Variants in ABCB1 observed in about 807,000 individuals in gnomAD.
ABCB1 encodes the protein ATP-dependent translocase ABCB1.
ABCB1 carries 69 observed loss-of-function variants against 142.0 expected under a neutral mutation model. That is an observed-to-expected ratio of 0.49 (90% CI 0.40 to 0.59). The LOEUF (loss-of-function observed/expected upper bound fraction) is 0.59. ABCB1 is among the 20% of genes least tolerant of loss of function. The probability of loss-of-function intolerance (pLI) is 0.00; values close to 1 mark genes in which losing one functional copy is unlikely to be tolerated. For synonymous variants in ABCB1, 532 were observed against 539.2 expected (o/e 0.99, Z 0.18); for missense variants, 1,326 against 1,554.7 (o/e 0.85, Z 2.47).
At chr7:87,558,330 A>G (rs985256844) in intron 8 of ABCB1, among the ~76,000 whole-genome samples, 6 of 152,110 alleles carry the variant, frequency 3.9e-5, no homozygotes, top group African/African-American at 1.4e-4. Flanking sequence ...AATACTATAT[A>G]TTTTCTAATT....
At chr7:87,551,990 T>G (rs867345095) in intron 9 of ABCB1, among the ~76,000 whole-genome samples, 1 of 152,186 alleles carries the variant, frequency 6.6e-6, no homozygotes, top group Non-Finnish European at 1.5e-5. Flanking sequence ...AATTTCTTCA[T>G]TGGCAAAAAC....
intron 1 of ABCB1, among the ~76,000 whole-genome samples, chr7:87,605,959 T>A (rs905053817): frequency 1.3e-5 from 2 of 151,974 alleles, no homozygotes; most frequent in African/African-American, 4.8e-5. Context: ...TAAATAATAA[T>A]ATGGCAATAA....
intron 3 of ABCB1, among the ~76,000 whole-genome samples, chr7:87,589,837 G>GAGAGAGAGAGAGAGAGAGAGAGAGAGA (rs1818919970): frequency 1.2e-5 from 1 of 84,988 alleles, no homozygotes; most frequent in Non-Finnish European, 2.2e-5. Flanking sequence ...AGAGAGAGAG[G>GAGAGAGAGAGAGAGAGAGAGAGAGAGA]GAGAGAGGGA....
At chr7:87,694,794 A>G (rs567635859) in intron 1 of ABCB1, among the ~76,000 whole-genome samples, 1 of 152,314 alleles carries the variant, frequency 6.6e-6, no homozygotes, top group South Asian at 2.1e-4. Flanking sequence ...TTTCAGAGAG[A>G]GTAAAATTAC....
chr7:87,582,884 A>G (rs1207123692), intron 4 of ABCB1, among the ~76,000 whole-genome samples: 1 of 152,198 alleles, frequency 6.6e-6, no homozygotes, highest in Non-Finnish European at 1.5e-5. Context: ...AAGAGGCAGC[A>G]GGCCAAATTA....
Position 87,531,498 on chromosome 7 carries a change from C to G in ABCB1, c.2482-1G>C. 6.2e-7 allele frequency: 1 copy of G among 1,612,504 alleles called. No individual in the cohort carries two copies. ...TTACAGCAAGCCTGGAACCTATAGC[C>G]TGCAAAACAAAACAAATTAGAGAAA... On this transcript the variant is annotated splice_acceptor_variant, in intron 20 of 27. Transcript: ENST00000622132. LOFTEE classifies it high-confidence loss of function.
intron 21 of ABCB1, among the ~76,000 whole-genome samples, chr7:87,528,299 A>C (rs1815885864): frequency 6.6e-6 from 1 of 152,144 alleles, no homozygotes; most frequent in South Asian, 2.1e-4. Context: ...TGTGTGCATA[A>C]AATTTGATCA....
At chr7:87,607,985 T>TA (rs1819717733) in intron 1 of ABCB1, among the ~76,000 whole-genome samples, 1 of 152,188 alleles carries the variant, frequency 6.6e-6, no homozygotes, top group African/African-American at 2.4e-5. Flanking sequence ...TCAAAGTCAA[T>TA]ACCCAAGGAA....
intron 3 of ABCB1, among the ~76,000 whole-genome samples, chr7:87,591,253 A>G (rs974931457): frequency 1.3e-5 from 2 of 152,218 alleles, no homozygotes; most frequent in African/African-American, 4.8e-5. Flanking sequence ...AGCCTCCAGA[A>G]GAAATGCAAT....
intron 1 of ABCB1, among the ~76,000 whole-genome samples, chr7:87,698,851 A>C (rs1209817151): frequency 3.3e-5 from 5 of 152,190 alleles, no homozygotes; most frequent in African/African-American, 1.2e-4. Flanking sequence ...GGGATCATAC[A>C]TGGGTTTCTG....
At chr7:87,620,465 G>C (rs2130093004) in intron 1 of ABCB1, among the ~76,000 whole-genome samples, 1 of 152,098 alleles carries the variant, frequency 6.6e-6, no homozygotes, top group South Asian at 2.1e-4. Flanking sequence ...TTGATGTTTA[G>C]TCTTTGCCAA....
chr7:87,623,707 T>A (rs1820308660), intron 1 of ABCB1, among the ~76,000 whole-genome samples: 1 of 152,088 alleles, frequency 6.6e-6, no homozygotes, highest in South Asian at 2.1e-4. Flanking sequence ...TTTTTTTTTT[T>A]AAAGCAATTT....
intron 1 of ABCB1, among the ~76,000 whole-genome samples, chr7:87,607,829 G>A (rs1433637882): frequency 6.6e-6 from 1 of 152,146 alleles, no homozygotes; most frequent in Non-Finnish European, 1.5e-5. Flanking sequence ...AAGATGAGCC[G>A]TGTAAAGTTC....
rs373608558 is a variant in ABCB1, at chr7:87,566,026, G to A, written c.702+44C>T. On this transcript the variant is annotated intron_variant, in intron 7 of 27. Transcript: ENST00000622132. ...CTTTCCGTAGGGTGAGAGCAGGAAG[G>A]GAGAAGGTGCAGTTCAAAATCTGGA... The A allele has an allele frequency of 2.6e-5, 42 of 1,605,272 alleles. No homozygotes were observed. In the African/African-American group the frequency reaches 5.1e-4, roughly 19 times the overall value.
rs1814582936 is a variant in ABCB1 at position 87,503,581 on chromosome 7, A to C, written c.*662T>G. 1 of 153,640 alleles carries C rather than the reference A, an allele frequency of 6.5e-6. No individual in the cohort carries two copies. Among genetic ancestry groups the C allele is most frequent in the Admixed American group, 6.4e-5 (1 of 15,582 alleles). The allele number at this position is 153,640 out of a possible 1,614,324, so 9.5% of individuals were successfully genotyped here. A position where few individuals can be genotyped will look rare whatever the true frequency, so the allele number is the denominator to read the frequency against. ...GCACTTCATAATTGTGCCTCACCCC[A>C]CCTCCTAAAATCTTATATCGATCTG... On this transcript the variant is annotated 3_prime_UTR_variant, in exon 28 of 28. Coordinates refer to ENST00000622132, the MANE Select transcript of ABCB1 (RefSeq NM_001348946.2).
At chr7:87,573,962 T>C (rs1332466296) in intron 4 of ABCB1, among the ~76,000 whole-genome samples, 2 of 152,168 alleles carry the variant, frequency 1.3e-5, no homozygotes, top group Non-Finnish European at 2.9e-5. Context: ...CATGACAGAA[T>C]ATTTTGTTTA....
At position 87,583,620 on chromosome 7, in the gene ABCB1, T is replaced by C. The variant is rs192122375; in HGVS notation, c.286+1892A>G. Among the ~76,000 whole-genome samples the C allele has an allele frequency of 2.6e-5, 4 of 152,254 alleles. No individual in the cohort carries two copies. The East Asian group carries it at 7.7e-4, about 29-fold the overall frequency. On this transcript the variant is annotated intron_variant, in intron 4 of 27. Transcript: ENST00000622132. ...TTAACCTAGGAGATTTTGATAGGCATACAGACACATGGGCCTATCCAGAAA... is the reference window on the plus strand; with the variant it reads ...TTAACCTAGGAGATTTTGATAGGCACACAGACACATGGGCCTATCCAGAAA...
chr7:87,673,637 T>C (rs1314162958), intron 1 of ABCB1, among the ~76,000 whole-genome samples: 1 of 152,234 alleles, frequency 6.6e-6, no homozygotes, highest in Non-Finnish European at 1.5e-5. Context: ...TTAGATTCCT[T>C]GGATTGAGCT....
At chr7:87,587,747 C>T (rs1035905514) in intron 3 of ABCB1, among the ~76,000 whole-genome samples, 1 of 151,678 alleles carries the variant, frequency 6.6e-6, no homozygotes, top group Non-Finnish European at 1.5e-5. Flanking sequence ...TGGTGGCAGG[C>T]GCCTGTAATC....
Sources: allele counts gnomAD v4.1 joint callset (sites outside exome capture counted in the v4.1 genomes callset), GRCh38; gene constraint gnomAD v4.1.1; transcripts MANE v1.5; gene names NCBI Gene and HGNC (gene_info 2026-07-23, HGNC 2026-07-21).